The following SLC39A11 variants were observed in gnomAD, a reference collection of about 807,000 sequenced individuals.
SLC39A11 encodes zinc transporter ZIP11.
SLC39A11 carries 33 observed loss-of-function variants against 36.1 expected under a neutral mutation model. The observed-to-expected ratio is 0.91, with a 90% CI of 0.69 to 1.22. The LOEUF (loss-of-function observed/expected upper bound fraction) is 1.22. Ranked by LOEUF, SLC39A11 falls within the 50% of genes most tolerant of loss-of-function variation. The probability of loss-of-function intolerance (pLI) is 0.00; values close to 1 mark genes in which losing one functional copy is unlikely to be tolerated. For missense variants in SLC39A11, 432 were observed against 430.3 expected (o/e 1.00, Z -0.03); for synonymous variants, 166 against 170.3 (o/e 0.97, Z 0.20).
chr17:72,967,878 G>A (rs933845482), intron 4 of SLC39A11, among the ~76,000 whole-genome samples: 1 of 152,172 alleles, frequency 6.6e-6, no homozygotes, highest in Admixed American at 6.5e-5. Context: ...TAACAGCAGA[G>A]CTAAGGAGGG....
At chr17:72,684,040 T>G (rs1026027831) in intron 7 of SLC39A11, among the ~76,000 whole-genome samples, 6 of 152,118 alleles carry the variant, frequency 3.9e-5, no homozygotes, top group Non-Finnish European at 8.8e-5. Context: ...CAATCAAACT[T>G]TCAAGGGTAA....
intron 7 of SLC39A11, among the ~76,000 whole-genome samples, chr17:72,732,196 T>C (rs1232629444): frequency 1.3e-5 from 2 of 151,720 alleles, no homozygotes; most frequent in Non-Finnish European, 2.9e-5. Context: ...TTTGTATTTT[T>C]AGTAGGGATG....
chr17:73,032,200 T>G (rs1282833526), intron 3 of SLC39A11, among the ~76,000 whole-genome samples: 3 of 149,252 alleles, frequency 2.0e-5, no homozygotes, highest in Non-Finnish European at 4.4e-5. Context: ...TGTTGCGAAT[T>G]CCTATTCTTT....
At chr17:72,874,495 G>A (rs974869889) in intron 5 of SLC39A11, among the ~76,000 whole-genome samples, 1 of 152,152 alleles carries the variant, frequency 6.6e-6, no homozygotes, top group African/African-American at 2.4e-5. Context: ...GAGCAAAGCT[G>A]ACACCAGGAG....
At chr17:72,775,225 C>G (rs2076093176) in intron 6 of SLC39A11, among the ~76,000 whole-genome samples, 1 of 152,186 alleles carries the variant, frequency 6.6e-6, no homozygotes, top group African/African-American at 2.4e-5. Flanking sequence ...TAGAGCACCA[C>G]TGAGGACCCC....
intron 7 of SLC39A11, among the ~76,000 whole-genome samples, chr17:72,661,842 G>C (rs878951370): frequency 5.3e-5 from 8 of 152,210 alleles, no homozygotes; most frequent in Admixed American, 1.3e-4. Context: ...GAGGGGGTGA[G>C]GAAGAGCCCA....
chr17:73,019,437 T>C (rs940974170), intron 4 of SLC39A11, among the ~76,000 whole-genome samples: 1 of 152,156 alleles, frequency 6.6e-6, no homozygotes, highest in African/African-American at 2.4e-5. Flanking sequence ...GAGGGATAAA[T>C]AGATGTATAG....
chr17:73,050,642 T>G (rs1568190791), intron 3 of SLC39A11, among the ~76,000 whole-genome samples: 1 of 152,052 alleles, frequency 6.6e-6, no homozygotes, highest in Non-Finnish European at 1.5e-5. Context: ...TTTTATATTT[T>G]TTACTAGAGA....
intron 5 of SLC39A11, among the ~76,000 whole-genome samples, chr17:72,872,810 A>G (rs2080705983): frequency 6.6e-6 from 1 of 152,052 alleles, no homozygotes; most frequent in Non-Finnish European, 1.5e-5. Context: ...TAATCCCAGC[A>G]CTTTGGGAGG....
intron 7 of SLC39A11, among the ~76,000 whole-genome samples, chr17:72,655,466 C>T (rs986653441): frequency 3.9e-5 from 6 of 152,352 alleles, no homozygotes; most frequent in African/African-American, 1.4e-4. Flanking sequence ...CTGGAGATCT[C>T]GGTTTATTGC....
At chr17:72,800,303 A>ATT (rs34172959) in intron 6 of SLC39A11, among the ~76,000 whole-genome samples, 1,584 of 90,308 alleles carry the variant, frequency 0.018, 32 homozygotes, top group Non-Finnish European at 0.027. Flanking sequence ...ACCTACAATA[A>ATT]TTTTTTTTTT....
At chr17:72,921,607 C>T (rs2083672605) in intron 5 of SLC39A11, among the ~76,000 whole-genome samples, 1 of 152,194 alleles carries the variant, frequency 6.6e-6, no homozygotes, top group South Asian at 2.1e-4. Flanking sequence ...CAGAATTTTG[C>T]AGGAATATGC....
chr17:73,039,422 C>G (rs1040885349), intron 3 of SLC39A11, among the ~76,000 whole-genome samples: 3 of 152,194 alleles, frequency 2.0e-5, no homozygotes, highest in African/African-American at 7.2e-5. Flanking sequence ...GTACCTGGCA[C>G]CCCCATCAGA....
intron 6 of SLC39A11, among the ~76,000 whole-genome samples, chr17:72,763,769 C>G (rs34407534): frequency 0.011 from 1,748 of 152,298 alleles, 10 homozygotes; most frequent in South Asian, 0.026. Flanking sequence ...AAACAGGGCC[C>G]TTTAAGATGG....
chr17:72,821,259 T>C (rs1379073836), intron 6 of SLC39A11, among the ~76,000 whole-genome samples: 1 of 150,228 alleles, frequency 6.7e-6, no homozygotes, highest in East Asian at 1.9e-4. Flanking sequence ...TCTCAGCACT[T>C]TGGGAGGCTG....
intron 6 of SLC39A11, among the ~76,000 whole-genome samples, chr17:72,779,113 C>T (rs1043793901): frequency 7.9e-5 from 12 of 152,154 alleles, no homozygotes; most frequent in African/African-American, 2.9e-4. Context: ...ACTTAGTGTC[C>T]ACCTGTGTTT....
chr17:73,039,350 C>T (rs1341411577), intron 3 of SLC39A11, among the ~76,000 whole-genome samples: 1 of 152,122 alleles, frequency 6.6e-6, no homozygotes, highest in East Asian at 1.9e-4. Context: ...ATTCATCACT[C>T]GTGTCCATGT....
intron 7 of SLC39A11, among the ~76,000 whole-genome samples, chr17:72,710,793 C>T (rs2713959): frequency 6.6e-6 from 1 of 152,006 alleles, no homozygotes; most frequent in African/African-American, 2.4e-5. Context: ...TCTTCCTCCA[C>T]CTCCACTACT....
At chr17:73,082,095 C>G (rs1241383577) in intron 3 of SLC39A11, among the ~76,000 whole-genome samples, 1 of 143,326 alleles carries the variant, frequency 7.0e-6, no homozygotes, top group East Asian at 2.0e-4. Flanking sequence ...ATCACCTGTT[C>G]CCCCCAAAAC....
Sources: allele counts gnomAD v4.1 joint callset (sites outside exome capture counted in the v4.1 genomes callset), GRCh38; gene constraint gnomAD v4.1.1; transcripts MANE v1.5; gene names NCBI Gene and HGNC (gene_info 2026-07-23, HGNC 2026-07-21).